The following CALN1 variants were observed in gnomAD, a reference collection of about 807,000 sequenced individuals.
CALN1 encodes calcium-binding protein 8.
Under a neutral mutation model 30.6 loss-of-function variants are expected in CALN1, and 17 were observed. The observed-to-expected ratio is 0.56, with a 90% CI of 0.38 to 0.83. The LOEUF is 0.83. CALN1 is among the 40% of genes least tolerant of loss of function. CALN1 has a pLI of 0.00. For missense variants in CALN1, 291 were observed against 354.9 expected (o/e 0.82, Z 1.45); for synonymous variants, 156 against 131.4 (o/e 1.19, Z -1.28).
chr7:71,998,939 G>C (rs1799390463), intron 5 of CALN1, among the ~76,000 whole-genome samples: 1 of 151,894 alleles, frequency 6.6e-6, no homozygotes, highest in Non-Finnish European at 1.5e-5. Context: ...AAAAACAGAG[G>C]AACAAGAATC....
chr7:72,417,048 A>G (rs1006483768), upstream of CALN1, among the ~76,000 whole-genome samples: 3 of 152,354 alleles, frequency 2.0e-5, no homozygotes, highest in African/African-American at 7.2e-5. Flanking sequence ...CGGGATTCCC[A>G]TAGAGCCTGA....
At chr7:71,996,658 G>C (rs190004428) in intron 5 of CALN1, among the ~76,000 whole-genome samples, 68 of 152,270 alleles carry the variant, frequency 4.5e-4, no homozygotes, top group African/African-American at 1.6e-3. Flanking sequence ...AGAGCATCAG[G>C]ATAAATAGCT....
chr7:72,491,041 G>A, the CALN1 span, among the ~76,000 whole-genome samples: 210 of 152,062 alleles, frequency 1.4e-3, no homozygotes, highest in Non-Finnish European at 2.4e-3. Context: ...TCAGGAGATC[G>A]AGACCATCCT....
At chr7:71,953,384 C>A (rs369788671) in intron 5 of CALN1, among the ~76,000 whole-genome samples, 1 of 152,276 alleles carries the variant, frequency 6.6e-6, no homozygotes. Context: ...TATCAACACA[C>A]ACTTGTGGTA....
rs149567084 is a variant in CALN1 at position 72,307,872 on chromosome 7, G to A, written c.120-29062C>T. 3.3e-3 allele frequency among the ~76,000 whole-genome samples: 479 copies of A among 144,478 alleles called. 12 individuals are homozygous for A. The highest frequency in any genetic ancestry group is 0.03 in the Admixed American group (419 of 13,862). The allele number at this position is 144,478 out of a possible 152,430, so 94.8% of individuals were successfully genotyped here. A position where few individuals can be genotyped will look rare whatever the true frequency, so the allele number is the denominator to read the frequency against. Reference sequence around the variant, plus strand: ...TGCTGGCAAGAGGAGGGTCCCAGACGACAAGAGAAGCAAAAGGCAGAGACA... The same window carrying A: ...TGCTGGCAAGAGGAGGGTCCCAGACAACAAGAGAAGCAAAAGGCAGAGACA... On this transcript the variant is annotated intron_variant, in intron 2 of 6. Coordinates refer to ENST00000395275, the MANE Select transcript of CALN1 (RefSeq NM_031468.4).
the CALN1 span, among the ~76,000 whole-genome samples, chr7:72,453,903 C>T: frequency 5.9e-5 from 9 of 151,874 alleles, no homozygotes; most frequent in Admixed American, 2.6e-4. Flanking sequence ...CCTTGTATTA[C>T]GTATTTGTCA....
At chr7:72,277,592 A>G (rs1797419235) in intron 3 of CALN1, among the ~76,000 whole-genome samples, 2 of 152,164 alleles carry the variant, frequency 1.3e-5, no homozygotes, top group African/African-American at 4.8e-5. Context: ...TCATTCATGT[A>G]AATAAGCAAG....
At chr7:72,283,866 G>A (rs1181623840) in intron 2 of CALN1, among the ~76,000 whole-genome samples, 1 of 148,094 alleles carries the variant, frequency 6.8e-6, no homozygotes, top group Admixed American at 6.6e-5. Context: ...AGCCAAAGAA[G>A]AGTCCACTTC....
At position 72,355,656 on chromosome 7, in the gene CALN1, G is replaced by A. The variant is rs113018269; in HGVS notation, c.119+47595C>T. On this transcript the variant is annotated intron_variant, in intron 2 of 6. Transcript: ENST00000395275. ...AAATTCATTTTTGGTAAAATGAATA[G>A]ACAAGTCACAGGCAGGCAAAAATTA... Among the ~76,000 whole-genome samples, 551 of 152,228 alleles carry A rather than the reference G, an allele frequency of 3.6e-3. 5 individuals are homozygous for A. Among genetic ancestry groups the A allele is most frequent in the Middle Eastern group, 0.017 (5 of 294 alleles).
chr7:72,195,386 C>CT (rs1337794870), intron 3 of CALN1, among the ~76,000 whole-genome samples: 3 of 152,254 alleles, frequency 2.0e-5, no homozygotes, highest in South Asian at 2.1e-4. Flanking sequence ...CAATCTCTCT[C>CT]TTTTTTTAAG....
chr7:72,191,510 G>A (rs1369751887), intron 3 of CALN1, among the ~76,000 whole-genome samples: 1 of 134,956 alleles, frequency 7.4e-6, no homozygotes, highest in Non-Finnish European at 1.5e-5. Context: ...GCTGAAGCAG[G>A]AGAATCGCGG....
At chr7:72,376,181 G>C (rs951750294) in intron 2 of CALN1, among the ~76,000 whole-genome samples, 1 of 152,060 alleles carries the variant, frequency 6.6e-6, no homozygotes, top group Non-Finnish European at 1.5e-5. Context: ...TTTAACTATT[G>C]TCAATAATTC....
At position 71,925,255 on chromosome 7, in the gene CALN1, A is replaced by AGG. The variant is rs1276040597; in HGVS notation, c.501+98401_501+98402insCC. Among the ~76,000 whole-genome samples the AGG allele has an allele frequency of 7.2e-5, 11 of 152,152 alleles. No individual in the cohort carries two copies. The East Asian group carries it at 1.9e-3, about 27-fold the overall frequency. On this transcript the variant is annotated intron_variant, in intron 5 of 6. Coordinates refer to ENST00000395275, the MANE Select transcript of CALN1 (RefSeq NM_031468.4). ...GACTCTGAGGGGGAGAGAGAGAGAG[A>AGG]GACAAAGAAAAGCAAGCAAGCAAGC...
intron 2 of CALN1, among the ~76,000 whole-genome samples, chr7:72,402,418 C>T (rs943001787): frequency 1.3e-5 from 2 of 152,204 alleles, no homozygotes; most frequent in African/African-American, 4.8e-5. Context: ...TATACACTTA[C>T]AGTCGCCACT....
chr7:72,281,944 A>T (rs566891179), intron 2 of CALN1, among the ~76,000 whole-genome samples: 2 of 152,334 alleles, frequency 1.3e-5, no homozygotes, highest in African/African-American at 4.8e-5. Flanking sequence ...CTTCTGAAAA[A>T]AAAAGGCAGC....
At chr7:72,096,466 T>A (rs1430440267) in intron 4 of CALN1, among the ~76,000 whole-genome samples, 1 of 150,226 alleles carries the variant, frequency 6.7e-6, no homozygotes, top group South Asian at 2.1e-4. Context: ...CACCCAATTG[T>A]GTCAATGGAC....
intron 6 of CALN1, among the ~76,000 whole-genome samples, chr7:71,800,447 C>T (rs1301363047): frequency 2.0e-5 from 3 of 152,112 alleles, no homozygotes; most frequent in African/African-American, 7.2e-5. Context: ...TTGTCTTTCA[C>T]AGAAACTATT....
intron 5 of CALN1, among the ~76,000 whole-genome samples, chr7:71,822,211 T>G (rs1306503858): frequency 1.3e-5 from 2 of 151,754 alleles, no homozygotes; most frequent in African/African-American, 4.8e-5. Flanking sequence ...TATATATTGT[T>G]ATAAACATAT....
intron 5 of CALN1, among the ~76,000 whole-genome samples, chr7:71,934,946 C>G (rs1392530357): frequency 1.3e-5 from 2 of 152,162 alleles, no homozygotes; most frequent in African/African-American, 4.8e-5. Context: ...AATACGAGAA[C>G]AGCACAGTAA....
Sources: gnomAD v4.1 joint callset for allele counts (sites outside exome capture counted in the v4.1 genomes callset) on GRCh38, gnomAD v4.1.1 for gene constraint, MANE v1.5 for transcripts, NCBI Gene and HGNC (gene_info 2026-07-23, HGNC 2026-07-21) for gene names.